Variants in ZSWIM6 observed in about 807,000 individuals in gnomAD.
ZSWIM6 encodes the protein zinc finger SWIM domain-containing protein 6.
ZSWIM6 carries 9 observed loss-of-function variants against 113.2 expected under a neutral mutation model. The ratio of observed to expected loss-of-function variants is 0.08; its 90% CI spans 0.05 to 0.14. The LOEUF (loss-of-function observed/expected upper bound fraction) is 0.14. Among genes scored for constraint, ZSWIM6 ranks in the 10% least tolerant of loss-of-function variants. ZSWIM6 has a pLI of 1.00. For synonymous variants in ZSWIM6, 611 were observed against 606.5 expected (o/e 1.01, Z -0.11); for missense variants, 1,162 against 1,552.2 (o/e 0.75, Z 4.22).
chr5:61,367,375 C>T (rs1461594421), intron 1 of ZSWIM6, among the ~76,000 whole-genome samples: 5 of 152,220 alleles, frequency 3.3e-5, no homozygotes, highest in East Asian at 3.9e-4. Context: ...CCCAACTCAG[C>T]CTCCTGAGAT....
chr5:61,501,093 C>T (rs142640483), intron 4 of ZSWIM6, among the ~76,000 whole-genome samples: 1 of 152,304 alleles, frequency 6.6e-6, no homozygotes, highest in East Asian at 1.9e-4. Flanking sequence ...TTCCCTCCAG[C>T]ACTGTTCTCA....
chr5:61,388,945 G>A (rs764196747), intron 1 of ZSWIM6, among the ~76,000 whole-genome samples: 1 of 152,136 alleles, frequency 6.6e-6, no homozygotes, highest in African/African-American at 2.4e-5. Flanking sequence ...TGTGGTTTTC[G>A]AATATTCTAG....
At chr5:61,488,994 A>G (rs1184458031) in intron 2 of ZSWIM6, among the ~76,000 whole-genome samples, 4 of 151,988 alleles carry the variant, frequency 2.6e-5, no homozygotes, top group Non-Finnish European at 4.4e-5. Flanking sequence ...CTCAGGGAAA[A>G]AAACTAAGCT....
At chr5:61,450,387 G>A (rs1261584815) in intron 1 of ZSWIM6, among the ~76,000 whole-genome samples, 2 of 152,206 alleles carry the variant, frequency 1.3e-5, no homozygotes, top group African/African-American at 4.8e-5. Flanking sequence ...GCTGGGAAAG[G>A]GAAGGGCTGG....
chr5:61,493,531 T>G (rs1273461784), intron 3 of ZSWIM6, among the ~76,000 whole-genome samples: 1 of 152,190 alleles, frequency 6.6e-6, no homozygotes, highest in African/African-American at 2.4e-5. Context: ...GAGTTCTCAA[T>G]GGACTCTGCA....
chr5:61,424,426 G>A (rs1214774366), intron 1 of ZSWIM6, among the ~76,000 whole-genome samples: 3 of 152,136 alleles, frequency 2.0e-5, no homozygotes, highest in Admixed American at 2.0e-4. Context: ...TTCTGAGGTG[G>A]GAAATAGAGA....
chr5:61,499,500 C>T (rs557792551), intron 4 of ZSWIM6, among the ~76,000 whole-genome samples: 2 of 152,164 alleles, frequency 1.3e-5, no homozygotes, highest in African/African-American at 4.8e-5. Context: ...TAAATAAGAA[C>T]AGCCAAGAAT....
At chr5:61,351,136 C>G (rs1744774793) in intron 1 of ZSWIM6, among the ~76,000 whole-genome samples, 1 of 152,184 alleles carries the variant, frequency 6.6e-6, no homozygotes, top group African/African-American at 2.4e-5. Flanking sequence ...TCTAGTGCAG[C>G]TAAACAGAGC....
intron 1 of ZSWIM6, among the ~76,000 whole-genome samples, chr5:61,434,942 A>G (rs1005658225): frequency 1.4e-4 from 21 of 152,230 alleles, no homozygotes; most frequent in African/African-American, 3.4e-4. Flanking sequence ...TGAAAATACA[A>G]TATGCCCTTA....
At chr5:61,429,992 C>G (rs1746545953) in intron 1 of ZSWIM6, among the ~76,000 whole-genome samples, 1 of 152,056 alleles carries the variant, frequency 6.6e-6, no homozygotes, top group South Asian at 2.1e-4. Context: ...AAAATCATGC[C>G]AGTGCAGTGT....
chr5:61,495,215 A>G (rs1242656522), intron 4 of ZSWIM6, among the ~76,000 whole-genome samples: 1 of 152,154 alleles, frequency 6.6e-6, no homozygotes, highest in Non-Finnish European at 1.5e-5. Context: ...ATGATGGACC[A>G]CATCATGCTG....
chr5:61,470,271 A>T (rs1446517911), intron 1 of ZSWIM6, among the ~76,000 whole-genome samples: 1 of 152,212 alleles, frequency 6.6e-6, no homozygotes, highest in Non-Finnish European at 1.5e-5. Flanking sequence ...AGTTTAGGAT[A>T]ACTGTTTTCC....
chr5:61,366,725 C>T (rs1745161751), intron 1 of ZSWIM6, among the ~76,000 whole-genome samples: 1 of 152,072 alleles, frequency 6.6e-6, no homozygotes, highest in Non-Finnish European at 1.5e-5. Flanking sequence ...GAGCCAGGAG[C>T]TTGAGACTAG....
intron 5 of ZSWIM6, among the ~76,000 whole-genome samples, chr5:61,522,569 T>C (rs564570093): frequency 1.3e-5 from 2 of 152,310 alleles, no homozygotes; most frequent in Admixed American, 1.3e-4. Context: ...CAAAAAGAAG[T>C]TTTAGGACTT....
At chr5:61,528,879 C>T (rs746725368) in intron 7 of ZSWIM6, among the ~76,000 whole-genome samples, 3 of 152,166 alleles carry the variant, frequency 2.0e-5, no homozygotes, top group African/African-American at 4.8e-5. Flanking sequence ...TGAGCCACCA[C>T]GCTGGCCTGT....
chr5:61,475,255 T>C (rs1747680467), intron 2 of ZSWIM6, among the ~76,000 whole-genome samples: 1 of 152,216 alleles, frequency 6.6e-6, no homozygotes, highest in East Asian at 1.9e-4. Context: ...CTTTGTTCTC[T>C]TGAGTTTTAG....
At chr5:61,456,131 T>C (rs1308098983) in intron 1 of ZSWIM6, among the ~76,000 whole-genome samples, 2 of 152,104 alleles carry the variant, frequency 1.3e-5, no homozygotes, top group African/African-American at 2.4e-5. Flanking sequence ...ATTATATCAT[T>C]ATAGGGCTGT....
chr5:61,364,464 A>G (rs1043697410), intron 1 of ZSWIM6, among the ~76,000 whole-genome samples: 4 of 152,168 alleles, frequency 2.6e-5, no homozygotes, highest in African/African-American at 9.7e-5. Context: ...AAAGAATAAT[A>G]TTTTGTGATG....
At chr5:61,493,378 A>G (rs2112218280) in intron 3 of ZSWIM6, among the ~76,000 whole-genome samples, 1 of 152,308 alleles carries the variant, frequency 6.6e-6, no homozygotes, top group African/African-American at 2.4e-5. Flanking sequence ...AACTGCGAAT[A>G]TACTAAAAAC....
Sources: allele counts gnomAD v4.1 joint callset (sites outside exome capture counted in the v4.1 genomes callset), GRCh38; gene constraint gnomAD v4.1.1; transcripts MANE v1.5; gene names NCBI Gene and HGNC (gene_info 2026-07-23, HGNC 2026-07-21).